Variants in CHCHD6 observed in about 807,000 individuals in gnomAD.
CHCHD6 encodes coiled-coil-helix-coiled-coil-helix domain containing 6.
Under a neutral mutation model 32.3 loss-of-function variants are expected in CHCHD6, and 28 were observed. That is an observed-to-expected ratio of 0.87 (90% CI 0.64 to 1.19). The LOEUF (loss-of-function observed/expected upper bound fraction) is 1.19. CHCHD6 is among the 50% of genes most tolerant of loss of function. The pLI is 0.00. For missense variants in CHCHD6, 333 were observed against 307.0 expected, an observed-to-expected ratio of 1.08 and a Z score of -0.63; for synonymous variants, 122 against 117.5, an observed-to-expected ratio of 1.04 and a Z score of -0.25.
At chr3:126,751,936 G>A (rs1333391480) in intron 4 of CHCHD6, among the ~76,000 whole-genome samples, 1 of 152,202 alleles carries the variant, frequency 6.6e-6, no homozygotes, top group East Asian at 1.9e-4. Context: ...CCAAAGCCTT[G>A]TACCCTGTCC....
intron 4 of CHCHD6, among the ~76,000 whole-genome samples, chr3:126,812,396 A>G (rs549557000): frequency 6.7e-6 from 1 of 149,726 alleles, no homozygotes; most frequent in South Asian, 2.1e-4. Flanking sequence ...TTCTAGTATA[A>G]CCCAAGATGT....
intron 6 of CHCHD6, among the ~76,000 whole-genome samples, chr3:126,921,629 G>T (rs1180744014): frequency 1.3e-5 from 2 of 152,188 alleles, no homozygotes; most frequent in East Asian, 3.9e-4. Flanking sequence ...CAATTGAGTT[G>T]AAGGAAGAAG....
intron 5 of CHCHD6, among the ~76,000 whole-genome samples, chr3:126,864,239 C>T (rs1379741021): frequency 2.0e-5 from 3 of 151,022 alleles, no homozygotes; most frequent in Non-Finnish European, 4.4e-5. Flanking sequence ...TCATCTCCTC[C>T]TCCTCCACCA....
intron 6 of CHCHD6, among the ~76,000 whole-genome samples, chr3:126,939,272 C>T: frequency 6.6e-6 from 1 of 152,142 alleles, no homozygotes; most frequent in East Asian, 1.9e-4. Context: ...CTTGGGAAGC[C>T]ATCGGAAGTG....
At chr3:126,798,131 C>T (rs1938884040) in intron 4 of CHCHD6, among the ~76,000 whole-genome samples, 1 of 152,102 alleles carries the variant, frequency 6.6e-6, no homozygotes, top group African/African-American at 2.4e-5. Flanking sequence ...AAGTGGTGTG[C>T]TGGAGGTTCT....
At chr3:126,713,179 C>T (rs551469586) in intron 1 of CHCHD6, among the ~76,000 whole-genome samples, 4 of 152,012 alleles carry the variant, frequency 2.6e-5, no homozygotes, top group South Asian at 2.1e-4. Context: ...TTTTAAAAAA[C>T]GCAAATTTTA....
intron 4 of CHCHD6, among the ~76,000 whole-genome samples, chr3:126,751,289 G>A (rs1260501726): frequency 6.6e-6 from 1 of 151,886 alleles, no homozygotes; most frequent in Non-Finnish European, 1.5e-5. Context: ...ATTGCTTGAG[G>A]CCAGAAGTTC....
At chr3:126,736,089 G>A (rs764197874) in intron 4 of CHCHD6, among the ~76,000 whole-genome samples, 28 of 152,198 alleles carry the variant, frequency 1.8e-4, no homozygotes, top group Non-Finnish European at 3.2e-4. Context: ...TGGTATGGTT[G>A]GGGAGTGCTT....
chr3:126,771,393 C>T (rs571551390), intron 4 of CHCHD6, among the ~76,000 whole-genome samples: 6 of 151,732 alleles, frequency 4.0e-5, no homozygotes, highest in East Asian at 1.9e-4. Flanking sequence ...TTAGTATAGA[C>T]GGGGTTTCAC....
At chr3:126,842,418 G>T (rs1412223107) in intron 4 of CHCHD6, among the ~76,000 whole-genome samples, 1 of 152,116 alleles carries the variant, frequency 6.6e-6, no homozygotes, top group Non-Finnish European at 1.5e-5. Flanking sequence ...TCTTAGATTA[G>T]TTCAGTTTGG....
chr3:126,925,703 G>C (rs734506), intron 6 of CHCHD6, among the ~76,000 whole-genome samples: 2 of 151,984 alleles, frequency 1.3e-5, no homozygotes, highest in African/African-American at 4.8e-5. Flanking sequence ...TCTCTTGGAC[G>C]CTGCTTAGAG....
At position 126,841,741 on chromosome 3, in the gene CHCHD6, C is replaced by CA. The variant is rs764275592; in HGVS notation, c.412-10895dup. Among the ~76,000 whole-genome samples the CA allele has an allele frequency of 1.1e-3, 162 of 145,562 alleles. No individual in the cohort carries two copies. In the East Asian group the frequency reaches 0.013, roughly 12 times the overall value. On this transcript the variant is annotated intron_variant, in intron 4 of 7. Transcript: ENST00000290913. ...GCAACATAGGGAGACCCCGTCTTTCCAAAAAAAAAAATTTTTTTTTTTAAT... is the reference window on the plus strand; with the variant it reads ...GCAACATAGGGAGACCCCGTCTTTCCAAAAAAAAAAAATTTTTTTTTTTAAT...
At chr3:126,902,423 A>T (rs897468134) in intron 5 of CHCHD6, among the ~76,000 whole-genome samples, 11 of 152,186 alleles carry the variant, frequency 7.2e-5, no homozygotes, top group Non-Finnish European at 1.6e-4. Context: ...AGATTTTTAA[A>T]AAATCAATGT....
At chr3:126,766,420 A>G in intron 4 of CHCHD6, 1 of 599,850 alleles carries the variant, frequency 1.7e-6, no homozygotes. Context: ...GAGTCGGAGA[A>G]GTCTCTGGGA....
At chr3:126,958,245 C>T (rs1357043265) in intron 7 of CHCHD6, among the ~76,000 whole-genome samples, 4 of 151,982 alleles carry the variant, frequency 2.6e-5, no homozygotes, top group Non-Finnish European at 5.9e-5. Context: ...TCAGGCTGTT[C>T]CCAGCCATAC....
chr3:126,754,746 T>C (rs1366845496), intron 4 of CHCHD6, among the ~76,000 whole-genome samples: 1 of 152,150 alleles, frequency 6.6e-6, no homozygotes, highest in African/African-American at 2.4e-5. Flanking sequence ...TCCAGATGAA[T>C]TTTGTTTTTA....
chr3:126,928,342 C>G (rs1396407854), intron 6 of CHCHD6, among the ~76,000 whole-genome samples: 1 of 152,230 alleles, frequency 6.6e-6, no homozygotes, highest in Non-Finnish European at 1.5e-5. Context: ...CTGATAGCCT[C>G]TAGACCATGG....
At chr3:126,753,253 G>A (rs1313539946) in intron 4 of CHCHD6, among the ~76,000 whole-genome samples, 1 of 152,194 alleles carries the variant, frequency 6.6e-6, no homozygotes, top group Non-Finnish European at 1.5e-5. Flanking sequence ...GACTTCCCAT[G>A]GCAAGCAGCC....
chr3:126,848,453 C>G (rs977524527), intron 4 of CHCHD6, among the ~76,000 whole-genome samples: 3 of 152,130 alleles, frequency 2.0e-5, no homozygotes, highest in African/African-American at 7.2e-5. Context: ...CCTTTCTGAG[C>G]AACTTAAACA....
Sources: gnomAD v4.1 joint callset for allele counts (sites outside exome capture counted in the v4.1 genomes callset) on GRCh38, gnomAD v4.1.1 for gene constraint, MANE v1.5 for transcripts, NCBI Gene and HGNC (gene_info 2026-07-23, HGNC 2026-07-21) for gene names.